CELSR1: variants seen among roughly 807,000 people sequenced by gnomAD.
CELSR1 encodes the protein adhesion G protein-coupled receptor C1.
In CELSR1, 110 loss-of-function variants were observed where a neutral mutation model predicts 249.1. The ratio of observed to expected loss-of-function variants is 0.44; its 90% CI spans 0.38 to 0.52. The LOEUF (loss-of-function observed/expected upper bound fraction) is 0.52. Among genes scored for constraint, CELSR1 ranks in the 20% least tolerant of loss-of-function variants. The pLI, the probability that CELSR1 is intolerant of heterozygous loss-of-function variation, is 0.00. For synonymous variants in CELSR1, 2,113 were observed against 1,900.0 expected (o/e 1.11, Z -2.92); for missense variants, 4,109 against 4,296.4 (o/e 0.96, Z 1.22).
At position 46,499,434 on chromosome 22, in the gene CELSR1, A is replaced by G. The variant is rs188200035; in HGVS notation, c.3544+34193T>C. On this transcript the variant is annotated intron_variant, in intron 1 of 34. Transcript: ENST00000674500. ...AAAATCTTAGACAATGATAACATCAAGCCTGTGAGGACATAGACGAACAGG... is the reference window on the plus strand; with the variant it reads ...AAAATCTTAGACAATGATAACATCAGGCCTGTGAGGACATAGACGAACAGG... 2.0e-5 allele frequency among the ~76,000 whole-genome samples: 3 copies of G among 152,360 alleles called. No homozygotes were observed. In the East Asian group the frequency reaches 5.8e-4, roughly 29 times the overall value.
intron 1 of CELSR1, among the ~76,000 whole-genome samples, chr22:46,487,014 C>A (rs1034733770): frequency 6.8e-6 from 1 of 146,684 alleles, no homozygotes; most frequent in Admixed American, 6.9e-5. Context: ...TGCTCCCGCC[C>A]CCTGCCCCCT....
rs933738245 is a variant in CELSR1 at position 46,527,108 on chromosome 22, C to G, written c.3544+6519G>C. On this transcript the variant is annotated intron_variant, in intron 1 of 34. Transcript: ENST00000674500. The surrounding 1 kb of genome is among the most constrained non-coding windows in gnomAD (Gnocchi z 5.5). ...GGAGCCCTGTCCTTGGTTTGCTCAT[C>G]TCTAGGATGGAGGTGGCGACGGTAC... is the stretch of plus-strand genomic sequence containing the variant. 6.6e-6 allele frequency among the ~76,000 whole-genome samples: 1 copy of G among 152,210 alleles called. No individual in the cohort carries two copies. The highest frequency in any genetic ancestry group is 2.4e-5 in the African/African-American group (1 of 41,438).
intron 1 of CELSR1, chr22:46,530,363 A>G (rs1281210424): frequency 6.7e-6 from 1 of 148,920 alleles, no homozygotes; most frequent in Non-Finnish European, 1.5e-5. Context: ...TATTATATAT[A>G]ATTCATTATA....
intron 18 of CELSR1, among the ~76,000 whole-genome samples, 169 bp from the exon 19 acceptor site, chr22:46,386,754 TTTTTG>T (rs2079038534): frequency 6.6e-6 from 1 of 151,704 alleles, no homozygotes; most frequent in African/African-American, 2.4e-5. Flanking sequence ...TTTTTGTTGT[TTTTTG>T]TGTTTTTTTT....
chr22:46,361,554 T>A lies in CELSR1; in HGVS notation c.*1669A>T, dbSNP rs1184931496. On this transcript the variant is annotated 3_prime_UTR_variant, in exon 35 of 35. Coordinates refer to ENST00000674500, the MANE Select transcript of CELSR1 (RefSeq NM_001378328.1). ...CGTTTAAAGGGACTAGAGTTTTTTATCTTCGAAAGACCACTCACCTGGTAA... is the reference window on the plus strand; with the variant it reads ...CGTTTAAAGGGACTAGAGTTTTTTAACTTCGAAAGACCACTCACCTGGTAA... 1 of 152,270 alleles carries A rather than the reference T, an allele frequency of 6.6e-6. No individual in the cohort carries two copies. Among genetic ancestry groups the A allele is most frequent in the Non-Finnish European group, 1.5e-5 (1 of 68,056 alleles). The allele number at this position is 152,270 out of a possible 1,614,324, so 9.4% of individuals were successfully genotyped here.
At chr22:46,422,501 AG>A (rs551346611) in intron 5 of CELSR1, among the ~76,000 whole-genome samples, 17,220 of 151,482 alleles carry the variant, frequency 0.11, 1,516 homozygotes, top group African/African-American at 0.24. Context: ...TGGGAGGCCA[AG>A]GGGGGGCGGA....
chr22:46,400,328 C>T lies in CELSR1; in HGVS notation c.5227-426G>A, dbSNP rs576877852. Among the ~76,000 whole-genome samples, 4 of 140,420 alleles carry T rather than the reference C, an allele frequency of 2.8e-5. No individual in the cohort carries two copies. In the South Asian group the frequency reaches 6.8e-4, roughly 24 times the overall value. The allele number at this position is 140,420 out of a possible 152,430, so 92.1% of individuals were successfully genotyped here. ...TGGGTGACAGAGCGAGACTTGGTCTCGAGAAAAAAAAAAAGTTAGGCAAAG... is the reference window on the plus strand; with the variant it reads ...TGGGTGACAGAGCGAGACTTGGTCTTGAGAAAAAAAAAAAGTTAGGCAAAG... On this transcript the variant is annotated intron_variant, in intron 9 of 34. Coordinates refer to ENST00000674500, the MANE Select transcript of CELSR1 (RefSeq NM_001378328.1).
At chr22:46,443,734 A>C (rs1161235966) in intron 2 of CELSR1, among the ~76,000 whole-genome samples, 3 of 152,224 alleles carry the variant, frequency 2.0e-5, no homozygotes, top group Admixed American at 1.3e-4. Context: ...ACACAGATGC[A>C]TACCTGCACA....
rs1434954791 is a variant in CELSR1 at position 46,536,134 on chromosome 22, G to A, written c.1037C>T (p.Thr346Ile). The change falls in exon 1 of 35, where the codon ACC (threonine) becomes ATC (isoleucine). Residue 346 changes from threonine to isoleucine, a missense_variant. Transcript: ENST00000674500. ...TTYITVLVKD[T>I]NDHSPVFEQS... is the part of the protein sequence containing the mutation. Reference sequence around the variant, plus strand: ...CTCGAAGACCGGGCTGTGGTCGTTGGTGTCTTTGACCAAGACAGTGATGTA... The same window carrying A: ...CTCGAAGACCGGGCTGTGGTCGTTGATGTCTTTGACCAAGACAGTGATGTA... The A allele has an allele frequency of 6.2e-7, 1 of 1,612,870 alleles. No individual in the cohort carries two copies. The highest frequency in any genetic ancestry group is 1.7e-5 in the Admixed American group (1 of 60,032).
Position 46,535,571 on chromosome 22 carries a change from T to C in CELSR1, c.1600A>G (p.Ile534Val), listed in dbSNP as rs1327245884. The change falls in exon 1 of 35, where the codon ATT (isoleucine) becomes GTT (valine). Residue 534 changes from isoleucine to valine, a missense_variant. Physicochemically the swap from Ile to Val is conservative, Grantham distance 29. Around this residue, in one of 7 missense-constraint regions of CELSR1, gnomAD observed 135 missense variants for 190.0 expected, o/e 0.71. Transcript: ENST00000674500. ...GGCCGGCCCCCATCCTGGGCCTTAA[T>C]GCTCAGCGAGTATTTCTGGACATCC... Reference protein sequence around the residue: ...FEDVQKYSLSIKAQDGGRPPL... With the variant: ...FEDVQKYSLSVKAQDGGRPPL... The C allele has an allele frequency of 6.2e-7, 1 of 1,613,422 alleles. No individual in the cohort carries two copies. The highest frequency in any genetic ancestry group is 1.7e-5 in the Admixed American group (1 of 60,024).
chr22:46,411,513 G>T lies in CELSR1; in HGVS notation c.4769+89C>A. 2 of 1,481,142 alleles carry T rather than the reference G, an allele frequency of 1.4e-6. No individual in the cohort carries two copies. Among genetic ancestry groups the T allele is most frequent in the Non-Finnish European group, 1.8e-6 (2 of 1,090,826 alleles). 91.7% of individuals were successfully genotyped at this position (1,481,142 alleles called of 1,614,324 possible). A position where few individuals can be genotyped will look rare whatever the true frequency, so the allele number is the denominator to read the frequency against. Reference sequence around the variant, plus strand: ...GTCGCCAGGGCACTGCACCCAGAGTGCCTACGTGGGGCCCTGCCCTGGGAA... The same window carrying T: ...GTCGCCAGGGCACTGCACCCAGAGTTCCTACGTGGGGCCCTGCCCTGGGAA... On this transcript the variant is annotated intron_variant, in intron 6 of 34. Coordinates refer to ENST00000674500, the MANE Select transcript of CELSR1 (RefSeq NM_001378328.1). The surrounding 1 kb of genome is among the most constrained non-coding windows in gnomAD (Gnocchi z 4.2).
rs1214154367 is a variant in CELSR1, at chr22:46,399,290, A to T, written c.5412+427T>A. 6.6e-6 allele frequency among the ~76,000 whole-genome samples: 1 copy of T among 152,186 alleles called. No individual in the cohort carries two copies. The highest frequency in any genetic ancestry group is 1.9e-4 in the East Asian group (1 of 5,196). On this transcript the variant is annotated intron_variant, in intron 10 of 34. Coordinates refer to ENST00000674500, the MANE Select transcript of CELSR1 (RefSeq NM_001378328.1). This position sits in a 1 kb window ranked among gnomAD's most constrained non-coding sequence, Gnocchi z 5.0. ...CATGTGTGGCTCCCTGGTGTCTCAC[A>T]GGCCTGTCCAGGACCTGGGTCTCAC...
intron 1 of CELSR1, among the ~76,000 whole-genome samples, chr22:46,476,718 G>A (rs1262626754): frequency 6.6e-6 from 1 of 152,002 alleles, no homozygotes; most frequent in African/African-American, 2.4e-5. Context: ...TCATTGATAT[G>A]AAACACCCAG....
chr22:46,463,087 C>T (rs755814364), intron 2 of CELSR1, among the ~76,000 whole-genome samples: 10 of 152,180 alleles, frequency 6.6e-5, no homozygotes, highest in Non-Finnish European at 1.5e-4. Flanking sequence ...TCATTTCATG[C>T]GTTTAGGTTT....
rs987483658 is a variant in CELSR1, at chr22:46,401,508, G to A, written c.5227-1606C>T. The stretch of plus-strand genomic sequence containing the variant: ...GCAAGGCCGTCAGCTGGTTCTGGAA[G>A]ACACAGTGGAGGCTGAGCGTGCAGT... On this transcript the variant is annotated intron_variant, in intron 9 of 34. Coordinates refer to ENST00000674500, the MANE Select transcript of CELSR1 (RefSeq NM_001378328.1). This position sits in a 1 kb window ranked among gnomAD's most constrained non-coding sequence, Gnocchi z 4.7. Among the ~76,000 whole-genome samples, 2 of 152,230 alleles carry A rather than the reference G, an allele frequency of 1.3e-5. No homozygotes were observed. The highest frequency in any genetic ancestry group is 4.8e-5 in the African/African-American group (2 of 41,468).
chr22:46,524,459 G>A (rs1009269289), intron 1 of CELSR1, among the ~76,000 whole-genome samples: 4 of 152,184 alleles, frequency 2.6e-5, no homozygotes, highest in Non-Finnish European at 4.4e-5. Flanking sequence ...TGGAAGGGGC[G>A]AAGTCGGTGT....
In CELSR1 at chr22:46,463,704, T is replaced by C. The variant is rs894343238; in HGVS notation, c.4183+3A>G. On this transcript the variant is annotated splice_donor_region_variant and intron_variant, in intron 2 of 34. Coordinates refer to ENST00000674500, the MANE Select transcript of CELSR1 (RefSeq NM_001378328.1). ...CAAAGCCAGGGTGAGCCCGGGCACC[T>C]ACCAGTGAAGTCCTCGAAGCACTCG... is the stretch of plus-strand genomic sequence containing the variant. 4 of 1,515,744 alleles carry C rather than the reference T, an allele frequency of 2.6e-6. No individual in the cohort carries two copies. The highest frequency in any genetic ancestry group is 2.8e-5 in the African/African-American group (2 of 71,778). 93.9% of individuals were successfully genotyped at this position (1,515,744 alleles called of 1,614,324 possible). A position where few individuals can be genotyped will look rare whatever the true frequency, so the allele number is the denominator to read the frequency against.
intron 5 of CELSR1, among the ~76,000 whole-genome samples, chr22:46,432,292 G>A (rs952349186): frequency 2.0e-5 from 3 of 152,218 alleles, no homozygotes; most frequent in Non-Finnish European, 4.4e-5. Context: ...CCCAGTGGCT[G>A]GACCCCAACT....
rs148376929 is a variant in CELSR1 at position 46,386,634 on chromosome 22, G to A, written c.6556-49C>T. 2,441 of 1,461,744 alleles carry A rather than the reference G, an allele frequency of 1.7e-3. 58 individuals are homozygous for A. In the East Asian group the frequency reaches 0.044, roughly 26 times the overall value. 90.5% of individuals were successfully genotyped at this position (1,461,744 alleles called of 1,614,324 possible). On this transcript the variant is annotated intron_variant, in intron 18 of 34. Coordinates refer to ENST00000674500, the MANE Select transcript of CELSR1 (RefSeq NM_001378328.1). ...TACTCAGCCTGCGGAGGCCTGGCTC[G>A]TGGGACGGAGGGACACCTGCCCTGA...
Sources: gnomAD v4.1 joint callset for allele counts (sites outside exome capture counted in the v4.1 genomes callset) on GRCh38, gnomAD v4.1.1 for gene constraint, gnomAD v4.1.1 regional missense constraint, Gnocchi (gnomAD v3.1) non-coding constraint, MANE v1.5 for transcripts, NCBI Gene and HGNC (gene_info 2026-07-23, HGNC 2026-07-21) for gene names.